The following ARL17B variants were observed in gnomAD, a reference collection of about 807,000 sequenced individuals.
The protein encoded by ARL17B is ADP-ribosylation factor-like protein 17.
rs183892 is a variant in ARL17B, at chr17:46,327,132, G to A, written c.259+25688C>T. 1.0e-4 allele frequency among the ~76,000 whole-genome samples: 9 copies of A among 86,180 alleles called. 2 individuals carry two copies. Among genetic ancestry groups the A allele is most frequent in the African/African-American group, 2.8e-4 (9 of 32,500 alleles). The allele number at this position is 86,180 out of a possible 152,430, so 56.5% of individuals were successfully genotyped here. A position where few individuals can be genotyped will look rare whatever the true frequency, so the allele number is the denominator to read the frequency against. On this transcript the variant is annotated intron_variant, in intron 3 of 4. Transcript: ENST00000434041. ...TGTCTTGTAAATTGTCCCACAATCC[G>A]GATTTGTCTGTTTCCTCATGATGAA...
intron 4 of ARL17B, among the ~76,000 whole-genome samples, chr17:46,284,503 G>C (rs2696507): frequency 0.12 from 18,478 of 152,210 alleles, 2 homozygotes; most frequent in Non-Finnish European, 0.18. Context: ...TCTTAGTACA[G>C]AACAAAATGG....
rs529291019 is a variant in ARL17B, at chr17:46,292,565, G to A, written c.*21+6961C>T. ...AGTTTGGAGAGCAGAACCGAGGATT[G>A]TATTACTACAGTTGTGGACACAGGA... On this transcript the variant is annotated intron_variant, in intron 4 of 4. Transcript: ENST00000570618. Among the ~76,000 whole-genome samples the A allele has an allele frequency of 5.2e-5, 4 of 77,254 alleles. 2 individuals are homozygous for A. In the South Asian group the frequency reaches 2.5e-3, roughly 47 times the overall value. 50.7% of individuals were successfully genotyped at this position (77,254 alleles called of 152,430 possible). A position where few individuals can be genotyped will look rare whatever the true frequency, so the allele number is the denominator to read the frequency against.
intron 4 of ARL17B, among the ~76,000 whole-genome samples, chr17:46,282,976 G>A (rs1336340789): frequency 2.0e-5 from 3 of 151,882 alleles, no homozygotes; most frequent in Admixed American, 6.6e-5. Flanking sequence ...AAAATTAGTC[G>A]GGTGTGATGG....
intron 2 of ARL17B, among the ~76,000 whole-genome samples, chr17:46,355,086 GGGAGGA>G: frequency 8.2e-5 from 1 of 12,134 alleles, no homozygotes; most frequent in Admixed American, 6.0e-4. Context: ...AAGGGAGGAA[GGGAGGA>G]AGGGAGGAAA....
At chr17:46,288,065 G>A (rs536822809) in intron 4 of ARL17B, among the ~76,000 whole-genome samples, 63 of 152,316 alleles carry the variant, frequency 4.1e-4, no homozygotes, top group African/African-American at 1.4e-3. Flanking sequence ...TCACCTAGAG[G>A]AATGGAAGTC....
chr17:46,287,877 C>A (rs1002081072), intron 4 of ARL17B, among the ~76,000 whole-genome samples: 2 of 152,178 alleles, frequency 1.3e-5, no homozygotes, highest in African/African-American at 4.8e-5. Context: ...GACGTAATGA[C>A]AAAAGAAAAA....
intron 4 of ARL17B, among the ~76,000 whole-genome samples, chr17:46,277,419 C>A (rs2049619344): frequency 6.6e-6 from 1 of 152,198 alleles, no homozygotes; most frequent in Admixed American, 6.5e-5. Context: ...CCCTTGGCTT[C>A]TACCTCACAG....
chr17:46,276,048 A>C (rs36050210), intron 4 of ARL17B, among the ~76,000 whole-genome samples: 3 of 151,804 alleles, frequency 2.0e-5, no homozygotes, highest in Middle Eastern at 3.2e-3. Context: ...CTGCCACCAC[A>C]CCCGGCTAAT....
At chr17:46,290,236 C>T (rs1182906504) in intron 4 of ARL17B, among the ~76,000 whole-genome samples, 3 of 152,190 alleles carry the variant, frequency 2.0e-5, no homozygotes, top group East Asian at 1.9e-4. Flanking sequence ...GTCAAGCAGT[C>T]CCCTGGCCTC....
chr17:46,280,741 G>T (rs2696516), intron 4 of ARL17B, among the ~76,000 whole-genome samples: 21,674 of 151,692 alleles, frequency 0.14, 1,875 homozygotes, highest in Non-Finnish European at 0.22. Context: ...GCCCGCCTAA[G>T]TATTGTATTT....
intron 4 of ARL17B, among the ~76,000 whole-genome samples, chr17:46,282,774 C>A (rs544792134): frequency 2.0e-5 from 3 of 152,318 alleles, no homozygotes; most frequent in African/African-American, 7.2e-5. Context: ...TAGAAACCAT[C>A]TTCCTTGCTA....
chr17:46,340,302 G>A (rs1192859007), intron 3 of ARL17B, among the ~76,000 whole-genome samples: 3 of 68,566 alleles, frequency 4.4e-5, no homozygotes, highest in East Asian at 5.1e-4. Flanking sequence ...TGCATCCTCC[G>A]CCTCCTGGGT....
intron 3 of ARL17B, among the ~76,000 whole-genome samples, chr17:46,308,798 C>CA (rs970162535): frequency 4.0e-5 from 3 of 75,446 alleles, no homozygotes; most frequent in African/African-American, 1.0e-4. Flanking sequence ...AAAAAACAAA[C>CA]AAAAAAAGAG....
chr17:46,280,184 C>T (rs2049722548), intron 4 of ARL17B, among the ~76,000 whole-genome samples: 1 of 151,980 alleles, frequency 6.6e-6, no homozygotes, highest in South Asian at 2.1e-4. Flanking sequence ...GCCAACATGG[C>T]AAAACCCCAT....
chr17:46,321,357 G>GAAAAAA (rs763727306), intron 3 of ARL17B, among the ~76,000 whole-genome samples: 1 of 31,356 alleles, frequency 3.2e-5, no homozygotes, highest in Non-Finnish European at 4.3e-5. Context: ...CTCCGTCTCA[G>GAAAAAA]AAAAAAAAAA....
intron 4 of ARL17B, among the ~76,000 whole-genome samples, chr17:46,278,517 C>T (rs1341573875): frequency 2.0e-5 from 3 of 151,648 alleles, no homozygotes; most frequent in Non-Finnish European, 2.9e-5. Flanking sequence ...CGATTTTCCA[C>T]CTCAGCCTCC....
intron 4 of ARL17B, among the ~76,000 whole-genome samples, chr17:46,282,406 GTTTTTTGTTTGT>G (rs1449909736): frequency 1.4e-4 from 21 of 149,062 alleles, no homozygotes; most frequent in Non-Finnish European, 7.4e-5. Context: ...CCTGGCCTCA[GTTTTTTGTTTGT>G]TTTTTTTTTT....
At chr17:46,282,944 C>A (rs1409726542) in intron 4 of ARL17B, among the ~76,000 whole-genome samples, 5 of 151,260 alleles carry the variant, frequency 3.3e-5, no homozygotes, top group Non-Finnish European at 7.4e-5. Context: ...CACAGTGAAA[C>A]CTCATCTCTA....
chr17:46,291,047 C>G (rs2050052404), intron 4 of ARL17B, among the ~76,000 whole-genome samples: 1 of 152,212 alleles, frequency 6.6e-6, no homozygotes, highest in Admixed American at 6.5e-5. Context: ...GCTTCTCTGT[C>G]TATAGACTAT....
Sources: gnomAD v4.1 joint callset for allele counts (sites outside exome capture counted in the v4.1 genomes callset) on GRCh38, gnomAD v4.1.1 for gene constraint, MANE v1.5 for transcripts, NCBI Gene and HGNC (gene_info 2026-07-23, HGNC 2026-07-21) for gene names.